Variants in NTRK3 observed in about 807,000 individuals in gnomAD.
NTRK3 encodes the protein neurotrophic receptor tyrosine kinase 3, also known as NT-3 growth factor receptor.
A neutral mutation model predicts 91.7 loss-of-function variants in NTRK3; 24 were observed. The observed-to-expected ratio is 0.26, with a 90% confidence interval of 0.19 to 0.37. NTRK3 has a LOEUF of 0.37. NTRK3 is among the 10% of genes least tolerant of loss of function. The pLI is 1.00. For synonymous variants in NTRK3, 483 were observed against 404.0 expected, an observed-to-expected ratio of 1.20 and a Z score of -2.34; for missense variants, 880 against 1,068.9, an observed-to-expected ratio of 0.82 and a Z score of 2.46.
intron 14 of NTRK3, among the ~76,000 whole-genome samples, chr15:87,989,420 A>G (rs537249750): frequency 1.1e-4 from 17 of 152,224 alleles, no homozygotes; most frequent in Admixed American, 1.1e-3. Flanking sequence ...ACCAAACACC[A>G]CATGTTCTCA....
intron 14 of NTRK3, among the ~76,000 whole-genome samples, chr15:88,032,242 G>C (rs2078606197): frequency 6.6e-6 from 1 of 152,080 alleles, no homozygotes; most frequent in Admixed American, 6.5e-5. Flanking sequence ...GAAGGACAAG[G>C]AGAGGGGTTG....
rs1041417050 is a variant in NTRK3, at chr15:88,243,773, A to G, written c.248+12133T>C. Among the ~76,000 whole-genome samples, 4 of 152,180 alleles carry G rather than the reference A, an allele frequency of 2.6e-5. No homozygotes were observed. Among genetic ancestry groups the G allele is most frequent in the Non-Finnish European group, 4.4e-5 (3 of 68,038 alleles). ...GTGGTGCCCCAGGAAAACACCAGAA[A>G]GGCTCTGGTTTTTAGGTGCCAGGAT... On this transcript the variant is annotated intron_variant, in intron 3 of 18. Coordinates refer to ENST00000394480, the Ensembl canonical transcript of NTRK3. This position sits in a 1 kb window ranked among gnomAD's most constrained non-coding sequence, Gnocchi z 4.8.
intron 15 of NTRK3, among the ~76,000 whole-genome samples, chr15:87,938,486 C>T (rs1035993470): frequency 6.6e-6 from 1 of 152,170 alleles, no homozygotes; most frequent in East Asian, 1.9e-4. Context: ...CTAGGCAGAT[C>T]CACTGAGTGA....
At chr15:87,877,659 A>G (rs2065013164) in intron 18 of NTRK3, among the ~76,000 whole-genome samples, 1 of 152,110 alleles carries the variant, frequency 6.6e-6, no homozygotes, top group Admixed American at 6.5e-5. Flanking sequence ...GTCATTACAT[A>G]GGACCCTTTT....
At chr15:88,119,211 G>A (rs780503159) in intron 13 of NTRK3, among the ~76,000 whole-genome samples, 1 of 152,180 alleles carries the variant, frequency 6.6e-6, no homozygotes, top group African/African-American at 2.4e-5. Context: ...GCAAAAGCAT[G>A]CCAGAAAAAC....
At chr15:87,978,727 A>C in intron 14 of NTRK3, 1 of 233,668 alleles carries the variant, frequency 4.3e-6, no homozygotes, top group Non-Finnish European at 8.5e-6. Flanking sequence ...ACCGAAAATA[A>C]AAATAAAAAT....
chr15:87,925,053 T>G (rs965247937), intron 17 of NTRK3, among the ~76,000 whole-genome samples: 2 of 152,196 alleles, frequency 1.3e-5, no homozygotes, highest in Non-Finnish European at 2.9e-5. Context: ...CTTAGTGTTC[T>G]CTGATGTTCT....
At chr15:87,893,766 C>T (rs1385817301) in intron 17 of NTRK3, among the ~76,000 whole-genome samples, 1 of 152,196 alleles carries the variant, frequency 6.6e-6, no homozygotes, top group African/African-American at 2.4e-5. Context: ...GCATACAGGA[C>T]ACGAAGTAAC....
chr15:87,909,757 A>G (rs1266480067), intron 17 of NTRK3, among the ~76,000 whole-genome samples: 1 of 152,168 alleles, frequency 6.6e-6, no homozygotes, highest in Non-Finnish European at 1.5e-5. Flanking sequence ...GTGGGCCCTA[A>G]TCCAATAGGA....
At chr15:88,030,510 G>A (rs2078430983) in intron 14 of NTRK3, among the ~76,000 whole-genome samples, 1 of 152,178 alleles carries the variant, frequency 6.6e-6, no homozygotes, top group African/African-American at 2.4e-5. Context: ...AGGAGCTTCT[G>A]TGAGCAGATA....
intron 13 of NTRK3, among the ~76,000 whole-genome samples, chr15:88,125,784 C>G (rs973647114): frequency 6.6e-6 from 1 of 152,192 alleles, no homozygotes; most frequent in African/African-American, 2.4e-5. Context: ...CACTCTGGGA[C>G]TCTGTGTAGA....
intron 17 of NTRK3, among the ~76,000 whole-genome samples, chr15:87,914,594 C>T (rs1181836626): frequency 6.6e-6 from 1 of 152,122 alleles, no homozygotes; most frequent in Non-Finnish European, 1.5e-5. Context: ...AATCACTGTG[C>T]TAAACGTGGG....
chr15:88,183,012 A>ACCCCCCCCCCCCCCCCCCCCCCCCC (rs370707792), intron 5 of NTRK3, among the ~76,000 whole-genome samples: 7 of 119,982 alleles, frequency 5.8e-5, no homozygotes, highest in South Asian at 3.4e-4. Context: ...TCTTCTTGCA[A>ACCCCCCCCCCCCCCCCCCCCCCCCC]CCCCCCCCCG....
chr15:88,104,155 T>G (rs1246434453), intron 13 of NTRK3, among the ~76,000 whole-genome samples: 1 of 152,220 alleles, frequency 6.6e-6, no homozygotes, highest in African/African-American at 2.4e-5. Context: ...ACTAAGTTAC[T>G]GGTTTCAATA....
chr15:88,096,205 AC>A (rs1204304374), intron 13 of NTRK3, among the ~76,000 whole-genome samples: 1 of 151,998 alleles, frequency 6.6e-6, no homozygotes, highest in Non-Finnish European at 1.5e-5. Context: ...CCAGCATGGG[AC>A]AAAATCTTAT....
exon 19 of NTRK3, chr15:87,875,839 G>A (rs1358077694): frequency 4.3e-6 from 1 of 232,468 alleles, no homozygotes; most frequent in Non-Finnish European, 8.5e-6. Context: ...CTAGGATCTA[G>A]GGAAGCAGGA....
chr15:87,877,902 A>G (rs961468646), intron 18 of NTRK3, among the ~76,000 whole-genome samples: 1 of 152,154 alleles, frequency 6.6e-6, no homozygotes, highest in Non-Finnish European at 1.5e-5. Context: ...AAGGGACTGT[A>G]TGGCCCAACA....
chr15:88,219,263 G>A (rs1198437918), intron 3 of NTRK3, among the ~76,000 whole-genome samples: 1 of 152,256 alleles, frequency 6.6e-6, no homozygotes, highest in Non-Finnish European at 1.5e-5. Flanking sequence ...TTGACCTGCA[G>A]CAAATTAAGT....
At chr15:88,118,984 G>C (rs1393297292) in intron 13 of NTRK3, among the ~76,000 whole-genome samples, 1 of 152,214 alleles carries the variant, frequency 6.6e-6, no homozygotes, top group African/African-American at 2.4e-5. Context: ...GGCCTGCCAA[G>C]AAGAGCCAGC....
Sources: allele counts gnomAD v4.1 joint callset (sites outside exome capture counted in the v4.1 genomes callset), GRCh38; gene constraint gnomAD v4.1.1; non-coding constraint Gnocchi (gnomAD v3.1); transcripts MANE v1.5; gene names NCBI Gene and HGNC (gene_info 2026-07-23, HGNC 2026-07-21).